The following CDKL1 variants were observed in gnomAD, a reference collection of about 807,000 sequenced individuals.
CDKL1 encodes cyclin dependent kinase like 1.
A neutral mutation model predicts 42.0 loss-of-function variants in CDKL1; 41 were observed. That is an observed-to-expected ratio of 0.98 (90% CI 0.76 to 1.27). CDKL1 has a LOEUF of 1.27. CDKL1 is among the 50% of genes most tolerant of loss of function. CDKL1 has a pLI of 0.00. For synonymous variants in CDKL1, 153 were observed against 158.6 expected (o/e 0.96, Z 0.26); for missense variants, 394 against 428.4 (o/e 0.92, Z 0.71).
At chr14:50,382,460 T>A (rs75578027) in intron 2 of CDKL1, among the ~76,000 whole-genome samples, 4,730 of 146,846 alleles carry the variant, frequency 0.032, 169 homozygotes, top group African/African-American at 0.095. Flanking sequence ...CAAAAAAAAA[T>A]TTTTTTTTTT....
At chr14:50,381,764 TTGTTTGTTTG>T (rs1425864805) in intron 2 of CDKL1, among the ~76,000 whole-genome samples, 1 of 72,328 alleles carries the variant, frequency 1.4e-5, no homozygotes, top group African/African-American at 6.2e-5. Context: ...TTTTGTTTGT[TTGTTTGTTTG>T]TTTGTTTGTT....
chr14:50,373,528 A>G (rs2034644652), intron 2 of CDKL1, among the ~76,000 whole-genome samples: 1 of 152,178 alleles, frequency 6.6e-6, no homozygotes, highest in African/African-American at 2.4e-5. Flanking sequence ...TAGAGTGCAA[A>G]CTGCTATAAC....
chr14:50,349,668 G>T, intron 3 of CDKL1, among the ~76,000 whole-genome samples: 1 of 152,206 alleles, frequency 6.6e-6, no homozygotes, highest in East Asian at 1.9e-4. Flanking sequence ...AGCTCTGGAA[G>T]AGTCTGGGTG....
intron 2 of CDKL1, chr14:50,362,052 A>C (rs2139459202): frequency 4.8e-6 from 1 of 208,630 alleles, no homozygotes; most frequent in South Asian, 4.8e-5. Context: ...CCGGGCAGTG[A>C]GGGGCTTAGC....
intron 6 of CDKL1, among the ~76,000 whole-genome samples, 173 bp from the exon 7 acceptor site, chr14:50,339,202 A>G (rs2033418256): frequency 6.6e-6 from 1 of 152,122 alleles, no homozygotes. Flanking sequence ...ATTGATCCCT[A>G]CGGTGGACAG....
intron 4 of CDKL1, among the ~76,000 whole-genome samples, chr14:50,343,487 C>A (rs2139405237): frequency 6.6e-6 from 1 of 152,260 alleles, no homozygotes; most frequent in African/African-American, 2.4e-5. Flanking sequence ...TGGTTCTTAG[C>A]AATTAACATC....
At chr14:50,350,559 C>G (rs1201899560) in intron 3 of CDKL1, among the ~76,000 whole-genome samples, 5 of 152,152 alleles carry the variant, frequency 3.3e-5, no homozygotes, top group Admixed American at 3.3e-4. Context: ...ATATATATCC[C>G]CAGCTTTTCT....
intron 8 of CDKL1, 127 bp from the exon 9 acceptor site, chr14:50,332,559 C>T (rs1485341602): frequency 9.4e-6 from 14 of 1,484,722 alleles, no homozygotes; most frequent in African/African-American, 1.4e-5. Flanking sequence ...CAGGAAAACA[C>T]ACCAGTCATG....
intron 7 of CDKL1, among the ~76,000 whole-genome samples, chr14:50,337,871 G>C (rs4901020): frequency 0.53 from 79,600 of 151,156 alleles, 21,429 homozygotes; most frequent in East Asian, 0.63. Flanking sequence ...AGTAGAGACA[G>C]AGTTTTGTCT....
chr14:50,357,484 G>T (rs543086027), intron 3 of CDKL1, among the ~76,000 whole-genome samples: 1 of 151,922 alleles, frequency 6.6e-6, no homozygotes, highest in Non-Finnish European at 1.5e-5. Flanking sequence ...TCTTCATATT[G>T]TCCCCAGCCA....
In CDKL1 at chr14:50,326,763, G is replaced by A. The variant is rs754102433; in HGVS notation, c.*3311C>T. On this transcript the variant is annotated 3_prime_UTR_variant, in exon 10 of 10. Coordinates refer to ENST00000395834, the MANE Select transcript of CDKL1 (RefSeq NM_004196.7). ...TTGAAACCTAACATTGCTTTAGGCT[G>A]GGTGCCGTGGCTCGTGCCTGTAATC... is the stretch of plus-strand genomic sequence containing the variant. 1.0e-5 allele frequency: 10 copies of A among 985,110 alleles called. No homozygotes were observed. The highest frequency in any genetic ancestry group is 1.2e-5 in the Non-Finnish European group (10 of 829,820). The allele number at this position is 985,110 out of a possible 1,614,324, so 61.0% of individuals were successfully genotyped here.
intron 2 of CDKL1, among the ~76,000 whole-genome samples, chr14:50,387,585 G>C (rs2035125676): frequency 6.6e-6 from 1 of 151,664 alleles, no homozygotes; most frequent in Non-Finnish European, 1.5e-5. Context: ...CTGAGCAGTA[G>C]CTGTCCACTT....
chr14:50,387,090 C>T (rs1010634232), intron 2 of CDKL1, among the ~76,000 whole-genome samples: 2 of 151,736 alleles, frequency 1.3e-5, no homozygotes, highest in Non-Finnish European at 2.9e-5. Context: ...GCCTGTAGTC[C>T]CAGCTATTCA....
rs138368873 is a variant in CDKL1 at position 50,374,972 on chromosome 14, C to A, written c.169-15823G>T. Among the ~76,000 whole-genome samples, 900 of 152,098 alleles carry A rather than the reference C, an allele frequency of 5.9e-3. 9 individuals are homozygous for A. The highest frequency in any genetic ancestry group is 0.01 in the Non-Finnish European group (709 of 67,990). ...GGCAAGAGGAGGGAGAGCATTAGGA[C>A]AAATACCTAATGTGTGTGGGGCTTA... On this transcript the variant is annotated intron_variant, in intron 2 of 9. Transcript: ENST00000395834.
chr14:50,365,009 G>C (rs1319899276), intron 2 of CDKL1, among the ~76,000 whole-genome samples: 1 of 152,162 alleles, frequency 6.6e-6, no homozygotes, highest in Non-Finnish European at 1.5e-5. Context: ...AGTGTACCTG[G>C]TTTGAGGGTG....
In CDKL1 at chr14:50,359,156, A is replaced by T. The variant is rs1455918496; in HGVS notation, c.169-7T>A. 1 of 1,595,878 alleles carries T rather than the reference A, an allele frequency of 6.3e-7. No individual in the cohort carries two copies. On this transcript the variant is annotated splice_polypyrimidine_tract_variant and splice_region_variant and intron_variant, in intron 2 of 9. Transcript: ENST00000395834. ...GGTTGGGATGCTTGAGTTGCTGAAAACACAAAAAAACAAGTTACTAAATTT... is the reference window on the plus strand; with the variant it reads ...GGTTGGGATGCTTGAGTTGCTGAAATCACAAAAAAACAAGTTACTAAATTT...
chr14:50,362,125 AG>A, intron 2 of CDKL1: 1 of 263,452 alleles, frequency 3.8e-6, no homozygotes, highest in South Asian at 3.0e-5. Flanking sequence ...CCTGCAGGGC[AG>A]GGCTCAGGAC....
At chr14:50,356,006 A>G (rs1207378445) in intron 3 of CDKL1, among the ~76,000 whole-genome samples, 2 of 152,184 alleles carry the variant, frequency 1.3e-5, no homozygotes, top group African/African-American at 2.4e-5. Context: ...TTCTATGTAG[A>G]GGGTGGCATG....
chr14:50,363,555 C>T (rs947263037), intron 2 of CDKL1, among the ~76,000 whole-genome samples: 1 of 152,184 alleles, frequency 6.6e-6, no homozygotes, highest in South Asian at 2.1e-4. Context: ...GCTTTACTTT[C>T]ATTTTCACAC....
Sources: gnomAD v4.1 joint callset for allele counts (sites outside exome capture counted in the v4.1 genomes callset) on GRCh38, gnomAD v4.1.1 for gene constraint, MANE v1.5 for transcripts, NCBI Gene and HGNC (gene_info 2026-07-23, HGNC 2026-07-21) for gene names.